NUP62: variants seen among roughly 807,000 people sequenced by gnomAD.
The protein encoded by NUP62 is nucleoporin 62.
For synonymous variants in NUP62, 305 were observed against 303.4 expected (o/e 1.01, Z -0.05); for missense variants, 647 against 689.4 (o/e 0.94, Z 0.69).
Position 49,929,308 on chromosome 19 carries a change from G to A in NUP62, c.-200+18C>T, listed in dbSNP as rs2076005961. ...TAGCCTCGACCCCTTTGTGCCCCCG[G>A]CCCGTCTCCGCGCTCACCACGCCTG... On this transcript the variant is annotated intron_variant, in intron 1 of 2. Transcript: ENST00000352066. The A allele has an allele frequency of 1.3e-5, 2 of 154,456 alleles. No homozygotes were observed. The highest frequency in any genetic ancestry group is 2.0e-4 in the South Asian group (1 of 5,046). 9.6% of individuals were successfully genotyped at this position (154,456 alleles called of 1,614,324 possible). A position where few individuals can be genotyped will look rare whatever the true frequency, so the allele number is the denominator to read the frequency against.
intron 2 of NUP62, among the ~76,000 whole-genome samples, chr19:49,914,801 G>A (rs2075582668): frequency 7.2e-6 from 1 of 139,728 alleles, no homozygotes; most frequent in Admixed American, 7.8e-5. Flanking sequence ...GTGTGGTGGT[G>A]CGATCTTGGC....
At chr19:49,924,894 C>G (rs1423733384) in intron 2 of NUP62, among the ~76,000 whole-genome samples, 1 of 152,172 alleles carries the variant, frequency 6.6e-6, no homozygotes, top group African/African-American at 2.4e-5. Context: ...AGTCCCTGCC[C>G]AGACACCTCT....
intron 2 of NUP62, among the ~76,000 whole-genome samples, chr19:49,924,423 G>T (rs188776853): frequency 1.3e-5 from 2 of 152,288 alleles, no homozygotes; most frequent in East Asian, 3.9e-4. Context: ...CGGTTGCCAG[G>T]TGTGCTGGGG....
At position 49,909,533 on chromosome 19, in the gene NUP62, A is replaced by G; in HGVS notation, c.275T>C (p.Ile92Thr). 1.9e-6 allele frequency: 3 copies of G among 1,614,106 alleles called. No homozygotes were observed. Among genetic ancestry groups the G allele is most frequent in the Non-Finnish European group, 2.5e-6 (3 of 1,180,016 alleles). Residue 92 changes from isoleucine to threonine, a missense_variant, in exon 3 of 3, where the codon ATC (isoleucine) becomes ACC (threonine). By Grantham distance (89) the Ile-to-Thr change is moderately conservative. Coordinates refer to ENST00000352066, the MANE Select transcript of NUP62 (RefSeq NM_016553.5). ...GCTCAAGTTGAGCTTTGAAGCACCG[A>G]TCCCCAAAGAAAATCCAGTTCCCCC... ...ASGGTGFSLG[I>T]GASKLNLSNT...
chr19:49,913,603 C>T (rs2075540537), intron 2 of NUP62, among the ~76,000 whole-genome samples: 2 of 152,246 alleles, frequency 1.3e-5, no homozygotes, highest in African/African-American at 4.8e-5. Flanking sequence ...GGGACTCTCT[C>T]TACCTGCAGA....
chr19:49,928,924 A>T (rs1466358396), intron 1 of NUP62: 1 of 152,568 alleles, frequency 6.6e-6, no homozygotes, highest in Non-Finnish European at 1.5e-5. Flanking sequence ...AAAGAGAAAG[A>T]AACCAGAGCT....
In NUP62 at chr19:49,909,531, C is replaced by T. The variant is rs200654242; in HGVS notation, c.277G>A (p.Gly93Ser). 8.8e-4 allele frequency: 1,428 copies of T among 1,614,118 alleles called. 21 individuals carry two copies. In the South Asian group the frequency reaches 0.014, roughly 15 times the overall value. Residue 93 changes from glycine to serine, a missense_variant, in exon 3 of 3, where the codon GGT (glycine) becomes AGT (serine). Coordinates refer to ENST00000352066, the MANE Select transcript of NUP62 (RefSeq NM_016553.5). ...SGGTGFSLGI[G>S]ASKLNLSNTA... ...TTGCTCAAGTTGAGCTTTGAAGCACCGATCCCCAAAGAAAATCCAGTTCCC... is the reference window on the plus strand; with the variant it reads ...TTGCTCAAGTTGAGCTTTGAAGCACTGATCCCCAAAGAAAATCCAGTTCCC...
intron 2 of NUP62, among the ~76,000 whole-genome samples, chr19:49,918,178 TG>T (rs921530726): frequency 6.6e-6 from 1 of 151,906 alleles, no homozygotes; most frequent in Non-Finnish European, 1.5e-5. Context: ...ATGATTCTCC[TG>T]CCCTAGCCTC....
intron 2 of NUP62, among the ~76,000 whole-genome samples, chr19:49,912,243 C>A (rs535214357): frequency 4.8e-5 from 7 of 146,122 alleles, no homozygotes; most frequent in South Asian, 2.2e-4. Context: ...GATCTCGGCT[C>A]ACTGCAACCT....
rs754930004 is a variant in NUP62 at position 49,909,557 on chromosome 19, C to A, written c.251G>T (p.Gly84Val). ...FTFGTATLASGGTGFSLGIGA... is the reference protein window; with the variant it reads ...FTFGTATLASVGTGFSLGIGA... The stretch of plus-strand genomic sequence containing the variant: ...GATCCCCAAAGAAAATCCAGTTCCC[C>A]CCGAAGCAAGAGTCGCTGTTCCAAA... The change falls in exon 3 of 3, where the codon GGG becomes GTG. Residue 84 changes from glycine (G) to valine (V), a missense_variant. Gly to Val is a moderately radical substitution (Grantham distance 109, BLOSUM62 -3). Coordinates refer to ENST00000352066, the MANE Select transcript of NUP62 (RefSeq NM_016553.5). The A allele has an allele frequency of 5.6e-6, 9 of 1,614,024 alleles. No homozygotes were observed. The highest frequency in any genetic ancestry group is 7.6e-6 in the Non-Finnish European group (9 of 1,180,028).
At chr19:49,914,671 G>GCTGTCACCCCA (rs2075572498) in intron 2 of NUP62, among the ~76,000 whole-genome samples, 2 of 148,554 alleles carry the variant, frequency 1.3e-5, no homozygotes, top group South Asian at 4.2e-4. Flanking sequence ...CCCAGCCTTC[G>GCTGTCACCCCA]GTCAGCTCTA....
intron 2 of NUP62, 64 bp from the exon 3 acceptor site, chr19:49,909,948 T>C: frequency 1.2e-6 from 1 of 845,514 alleles, no homozygotes; most frequent in African/African-American, 1.7e-5. Flanking sequence ...GTGGCATGAC[T>C]GGGCACAGTC....
chr19:49,925,445 A>T (rs2075863705), intron 2 of NUP62, among the ~76,000 whole-genome samples: 1 of 98,876 alleles, frequency 1.0e-5, no homozygotes, highest in Non-Finnish European at 1.9e-5. Flanking sequence ...CTACTAAAAA[A>T]AGCCAAAAAA....
Position 49,921,899 on chromosome 19 carries a change from G to A in NUP62, c.-78+5795C>T, listed in dbSNP as rs1285590726. 6.6e-6 allele frequency among the ~76,000 whole-genome samples: 1 copy of A among 152,194 alleles called. No individual in the cohort carries two copies. ...GGAGCTGCCTCCTCTGGACACAGCG[G>A]TGGCTCTCACCTCCCTTCCATCTTG... is the stretch of plus-strand genomic sequence containing the variant. On this transcript the variant is annotated intron_variant, in intron 2 of 2. Transcript: ENST00000352066. This position sits in a 1 kb window ranked among gnomAD's most constrained non-coding sequence, Gnocchi z 5.4.
chr19:49,927,989 C>T (rs2075947304), intron 1 of NUP62, 174 bp from the exon 2 acceptor site: 1 of 152,224 alleles, frequency 6.6e-6, no homozygotes, highest in African/African-American at 2.4e-5. Context: ...GAAAGGAAGC[C>T]AAGGGCAAGG....
rs760230301 is a variant in NUP62, at chr19:49,909,293, T to G, written c.515A>C (p.Asn172Thr). The G allele has an allele frequency of 1.2e-6, 2 of 1,613,992 alleles. No individual in the cohort carries two copies. Among genetic ancestry groups the G allele is most frequent in the Non-Finnish European group, 1.7e-6 (2 of 1,179,992 alleles). The part of the protein sequence containing the change: ...GGSTAQPSGF[N>T]IGSAGNSAQP... ...GGCTGAATTCCCTGCTGAGCCAATGTTGAAACCGGAGGGTTGGGCCGTGCT... is the reference window on the plus strand; with the variant it reads ...GGCTGAATTCCCTGCTGAGCCAATGGTGAAACCGGAGGGTTGGGCCGTGCT... The change falls in exon 3 of 3, where the codon AAC (asparagine) becomes ACC (threonine). Residue 172 changes from asparagine (N) to threonine (T), a missense_variant. Asn to Thr is a moderately conservative substitution (Grantham distance 65). Transcript: ENST00000352066.
chr19:49,915,086 A>T (rs1458817293), intron 2 of NUP62, among the ~76,000 whole-genome samples: 1 of 151,950 alleles, frequency 6.6e-6, no homozygotes, highest in Non-Finnish European at 1.5e-5. Context: ...TGTGCCTGGG[A>T]AAGAATACAG....
At chr19:49,916,989 T>C (rs562823640) in intron 2 of NUP62, among the ~76,000 whole-genome samples, 1 of 152,244 alleles carries the variant, frequency 6.6e-6, no homozygotes, top group Non-Finnish European at 1.5e-5. Context: ...AGCCACCTGG[T>C]GGCACTGCTG....
intron 2 of NUP62, among the ~76,000 whole-genome samples, chr19:49,913,838 G>A (rs904213898): frequency 7.2e-5 from 11 of 152,150 alleles, no homozygotes; most frequent in African/African-American, 2.7e-4. Context: ...TACATACCAT[G>A]CTAACGGTTC....
Sources: allele counts gnomAD v4.1 joint callset (sites outside exome capture counted in the v4.1 genomes callset), GRCh38; gene constraint gnomAD v4.1.1; non-coding constraint Gnocchi (gnomAD v3.1); transcripts MANE v1.5; gene names NCBI Gene and HGNC (gene_info 2026-07-23, HGNC 2026-07-21).